Variants in STX3 observed in about 807,000 individuals in gnomAD.
STX3 encodes syntaxin-3.
Under a neutral mutation model 40.2 loss-of-function variants are expected in STX3, and 19 were observed. That is an observed-to-expected ratio of 0.47 (90% CI 0.33 to 0.69). STX3 has a LOEUF of 0.69. Ranked by LOEUF, STX3 falls within the 30% of genes least tolerant of loss-of-function variation. The pLI, the probability that STX3 is intolerant of heterozygous loss-of-function variation, is 0.02. For synonymous variants in STX3, 122 were observed against 132.2 expected (o/e 0.92, Z 0.53); for missense variants, 364 against 366.7 (o/e 0.99, Z 0.06).
In STX3 at chr11:59,793,125, C is replaced by G; in HGVS notation, c.493C>G (p.Leu165Val). 2 of 1,613,596 alleles carry G rather than the reference C, an allele frequency of 1.2e-6. No individual in the cohort carries two copies. Among genetic ancestry groups the G allele is most frequent in the Non-Finnish European group, 1.7e-6 (2 of 1,179,970 alleles). ...TGGCAAAAAGACAACCGATGAGGAG[C>G]TGGAGGAGATGTTGGAGAGTGGCAA... ...ITGKKTTDEELEEMLESGNPA... is the reference protein window; with the variant it reads ...ITGKKTTDEEVEEMLESGNPA... The change falls in exon 7 of 11, where the codon CTG (leucine) becomes GTG (valine). Residue 165 changes from leucine to valine, a missense_variant. Transcript: ENST00000337979.
At chr11:59,772,131 T>G (rs1286938294) in intron 1 of STX3, among the ~76,000 whole-genome samples, 1 of 152,170 alleles carries the variant, frequency 6.6e-6, no homozygotes, top group Non-Finnish European at 1.5e-5. Context: ...TTCTAAGTGT[T>G]CGAGAGTGCT....
At chr11:59,763,576 A>G (rs1030922687) in intron 1 of STX3, among the ~76,000 whole-genome samples, 1 of 152,230 alleles carries the variant, frequency 6.6e-6, no homozygotes, top group African/African-American at 2.4e-5. Flanking sequence ...AATAAAAGTC[A>G]TATAGGCCGT....
At chr11:59,787,993 C>G (rs1212712014) in intron 3 of STX3, among the ~76,000 whole-genome samples, 1 of 152,208 alleles carries the variant, frequency 6.6e-6, no homozygotes, top group African/African-American at 2.4e-5. Flanking sequence ...TCCCAGCCAG[C>G]CTGTCTCCTG....
Position 59,802,567 on chromosome 11 carries a change from C to T in STX3, c.*1743C>T, listed in dbSNP as rs1865928886. ...CAAAATAACTAAAGGCCTTTGCTCT[C>T]CTCTGACATTGAGGCCTGGGGCTTA... is the stretch of plus-strand genomic sequence containing the variant. On this transcript the variant is annotated 3_prime_UTR_variant, in exon 11 of 11. Transcript: ENST00000337979. 1 of 985,824 alleles carries T rather than the reference C, an allele frequency of 1.0e-6. No homozygotes were observed. The highest frequency in any genetic ancestry group is 4.7e-5 in the South Asian group (1 of 21,286). 61.1% of individuals were successfully genotyped at this position (985,824 alleles called of 1,614,324 possible). A position where few individuals can be genotyped will look rare whatever the true frequency, so the allele number is the denominator to read the frequency against.
chr11:59,793,315 A>G lies in STX3; in HGVS notation c.541-65A>G, dbSNP rs370086540. ...AAGGAGCTCCCCAGGAGCGTGCATGAGGGCTGTGGCAGGGGCAGCCTTTCT... is the reference window on the plus strand; with the variant it reads ...AAGGAGCTCCCCAGGAGCGTGCATGGGGGCTGTGGCAGGGGCAGCCTTTCT... On this transcript the variant is annotated intron_variant, in intron 7 of 10. Coordinates refer to ENST00000337979, the MANE Select transcript of STX3 (RefSeq NM_004177.5). 5.0e-6 allele frequency: 8 copies of G among 1,602,796 alleles called. No individual in the cohort carries two copies. The South Asian group carries it at 5.5e-5, about 11-fold the overall frequency.
intron 2 of STX3, among the ~76,000 whole-genome samples, chr11:59,777,591 T>G (rs1394557849): frequency 6.6e-6 from 1 of 152,000 alleles, no homozygotes; most frequent in African/African-American, 2.4e-5. Context: ...AACTGTGGCT[T>G]AAGCAACAAA....
At chr11:59,788,732 C>T in intron 3 of STX3, 141 bp from the exon 4 acceptor site, 2 of 581,140 alleles carry the variant, frequency 3.4e-6, no homozygotes, top group Non-Finnish European at 6.1e-6. Flanking sequence ...ATGACAGATG[C>T]TGGGGAGTGC....
chr11:59,770,941 T>C (rs1425378215), intron 1 of STX3, among the ~76,000 whole-genome samples: 17 of 152,008 alleles, frequency 1.1e-4, no homozygotes, highest in Non-Finnish European at 1.5e-5. Context: ...AGGGCAGCTC[T>C]GGGAATTTCA....
In STX3 at chr11:59,797,301, G is replaced by A. The variant is rs764946499; in HGVS notation, c.805G>A (p.Val269Met). The change falls in exon 10 of 11, where the codon GTG becomes ATG. Residue 269 changes from valine (V) to methionine (M), a missense_variant. By Grantham distance (21) the Val-to-Met change is conservative (BLOSUM62 1). Coordinates refer to ENST00000337979, the MANE Select transcript of STX3 (RefSeq NM_004177.5). The part of the protein sequence containing the change: ...QARKKLIIII[V>M]LVVVLLGILA... ...TCTCCAGAAATTGATAATTATCATT[G>A]TGCTAGTAGTTGTGTTGCTGGGCAT... 1.2e-6 allele frequency: 2 copies of A among 1,613,590 alleles called. No homozygotes were observed. The highest frequency in any genetic ancestry group is 1.7e-5 in the Admixed American group (1 of 59,994).
intron 9 of STX3, among the ~76,000 whole-genome samples, chr11:59,796,789 T>G (rs1170008198): frequency 6.6e-6 from 1 of 152,162 alleles, no homozygotes; most frequent in African/African-American, 2.4e-5. Context: ...CTGCTGGCAT[T>G]CCTAGCCTAG....
intron 2 of STX3, among the ~76,000 whole-genome samples, chr11:59,785,321 T>G (rs1182679193): frequency 6.6e-6 from 1 of 152,166 alleles, no homozygotes; most frequent in African/African-American, 2.4e-5. Flanking sequence ...CTATTTTCTT[T>G]CTTTTCCCTT....
At chr11:59,758,871 G>T (rs1178574666) in intron 1 of STX3, among the ~76,000 whole-genome samples, 2 of 152,252 alleles carry the variant, frequency 1.3e-5, no homozygotes, top group Non-Finnish European at 2.9e-5. Context: ...CCTTGTACTA[G>T]ATGCTGGAGT....
chr11:59,769,187 G>A (rs901237398), intron 1 of STX3, among the ~76,000 whole-genome samples: 1 of 152,124 alleles, frequency 6.6e-6, no homozygotes, highest in African/African-American at 2.4e-5. Context: ...GTGATGGACC[G>A]TGGTATAGAG....
At chr11:59,756,041 C>T (rs539420616) in intron 1 of STX3, among the ~76,000 whole-genome samples, 1 of 152,298 alleles carries the variant, frequency 6.6e-6, no homozygotes, top group East Asian at 1.9e-4. Context: ...CTGGCTGCCC[C>T]TTCCCCCAGG....
In STX3 at chr11:59,792,123, G is replaced by A. The variant is rs752229435; in HGVS notation, c.374G>A (p.Arg125Gln). Residue 125 changes from arginine to glutamine, a missense_variant, in exon 6 of 11, where the codon CGG becomes CAG. Arg to Gln is a conservative substitution (Grantham distance 43, BLOSUM62 1). Coordinates refer to ENST00000337979, the MANE Select transcript of STX3 (RefSeq NM_004177.5). ...IRKSQHSVLS[R>Q]KFVEVMTKYN... ...ATCCCACAGCACTCTGTCCTTTCTC[G>A]GAAGTTTGTGGAGGTGATGACCAAA... The A allele has an allele frequency of 5.6e-6, 9 of 1,613,914 alleles. No individual in the cohort carries two copies. Among genetic ancestry groups the A allele is most frequent in the Non-Finnish European group, 7.6e-6 (9 of 1,179,960 alleles).
chr11:59,767,844 A>T (rs1863353219), intron 1 of STX3, among the ~76,000 whole-genome samples: 1 of 152,114 alleles, frequency 6.6e-6, no homozygotes, highest in South Asian at 2.1e-4. Flanking sequence ...GAAAGTGAAA[A>T]GAGTTCAGGG....
At position 59,800,841 on chromosome 11, in the gene STX3, T is replaced by A; in HGVS notation, c.*31-14T>A. On this transcript the variant is annotated splice_polypyrimidine_tract_variant and intron_variant, in intron 10 of 10. Coordinates refer to ENST00000337979, the MANE Select transcript of STX3 (RefSeq NM_004177.5). ...CCTGTGTACTGATCAGCTCCTCCTT[T>A]CCCTGCCTCCTAGAAACTGATTTCA... 1 of 1,536,424 alleles carries A rather than the reference T, an allele frequency of 6.5e-7. No homozygotes were observed. Among genetic ancestry groups the A allele is most frequent in the Non-Finnish European group, 8.7e-7 (1 of 1,146,890 alleles).
In STX3 at chr11:59,804,565, G is replaced by A. The variant is rs767129168; in HGVS notation, c.*3741G>A. The stretch of plus-strand genomic sequence containing the variant: ...CTTGGGAATGGGCTGATCTGCTTAT[G>A]CAAAAATGCTACCAACCTTTCAAAC... On this transcript the variant is annotated 3_prime_UTR_variant, in exon 11 of 11. Transcript: ENST00000337979. The A allele has an allele frequency of 6.6e-6, 1 of 152,172 alleles. No individual in the cohort carries two copies. The highest frequency in any genetic ancestry group is 1.5e-5 in the Non-Finnish European group (1 of 68,026). The allele number at this position is 152,172 out of a possible 1,614,324, so 9.4% of individuals were successfully genotyped here.
In STX3 at chr11:59,801,985, A is replaced by G; in HGVS notation, c.*1161A>G. On this transcript the variant is annotated 3_prime_UTR_variant, in exon 11 of 11. Transcript: ENST00000337979. ...AAATGAGAACTCTGGAGTGAGCTAA[A>G]TTGATCCCAATTAAGTTTTTCTGCT... 1 of 985,416 alleles carries G rather than the reference A, an allele frequency of 1.0e-6. No individual in the cohort carries two copies. The highest frequency in any genetic ancestry group is 1.2e-6 in the Non-Finnish European group (1 of 829,924). 61.0% of individuals were successfully genotyped at this position (985,416 alleles called of 1,614,324 possible). A position where few individuals can be genotyped will look rare whatever the true frequency, so the allele number is the denominator to read the frequency against.
Sources: gnomAD v4.1 joint callset for allele counts (sites outside exome capture counted in the v4.1 genomes callset) on GRCh38, gnomAD v4.1.1 for gene constraint, MANE v1.5 for transcripts, NCBI Gene and HGNC (gene_info 2026-07-23, HGNC 2026-07-21) for gene names.